NPAS3: variants seen among roughly 807,000 people sequenced by gnomAD.
NPAS3 encodes the protein neuronal PAS domain protein 3.
In NPAS3, 14 loss-of-function variants were observed where a neutral mutation model predicts 73.1. The observed-to-expected ratio is 0.19, with a 90% CI of 0.13 to 0.30. NPAS3 has a LOEUF of 0.30. Ranked by LOEUF, NPAS3 falls within the 10% of genes least tolerant of loss-of-function variation. The probability of loss-of-function intolerance (pLI) is 1.00; values close to 1 mark genes in which losing one functional copy is unlikely to be tolerated. For synonymous variants in NPAS3, 620 were observed against 541.5 expected, an observed-to-expected ratio of 1.14 and a Z score of -2.01; for missense variants, 1,096 against 1,250.0, an observed-to-expected ratio of 0.88 and a Z score of 1.86.
chr14:32,938,463 G>GAGAGAGAGAGAGAGAAAT (rs2035775374), upstream of NPAS3, among the ~76,000 whole-genome samples: 1 of 90,244 alleles, frequency 1.1e-5, no homozygotes, highest in Non-Finnish European at 2.5e-5. Flanking sequence ...GAGAAAGAGA[G>GAGAGAGAGAGAGAGAAAT]AGAGAGAGAG....
intron 3 of NPAS3, among the ~76,000 whole-genome samples, chr14:33,238,375 T>C (rs893911954): frequency 2.0e-5 from 3 of 152,186 alleles, no homozygotes; most frequent in Non-Finnish European, 4.4e-5. Context: ...TACAATTAGT[T>C]GGTTTCTATT....
chr14:33,776,074 T>C (rs998984939), intron 8 of NPAS3, among the ~76,000 whole-genome samples: 3 of 152,180 alleles, frequency 2.0e-5, no homozygotes, highest in African/African-American at 7.2e-5. Flanking sequence ...GTCTCTTCTT[T>C]TTCTTCAGAA....
intron 1 of NPAS3, among the ~76,000 whole-genome samples, chr14:32,997,312 T>C (rs1433683443): frequency 6.6e-6 from 1 of 152,180 alleles, no homozygotes; most frequent in African/African-American, 2.4e-5. Context: ...GACTTTGGAC[T>C]GTGGACTTTT....
chr14:33,800,816 ACCCT>A lies in NPAS3; in HGVS notation c.2510_2513del (p.Thr837ArgfsTer52). The stretch of plus-strand genomic sequence containing the variant: ...CATCCGCTACGCGCCCGCCGAGGTG[ACCCT>A]GGCCATGCAGAGCAACCTGCTGCCC... On this transcript the variant is annotated frameshift_variant, in exon 12 of 12. Transcript: ENST00000356141. LOFTEE classifies it high-confidence loss of function. This position sits in a 1 kb window ranked among gnomAD's most constrained non-coding sequence, Gnocchi z 6.5. The A allele has an allele frequency of 6.2e-7, 1 of 1,601,276 alleles. No individual in the cohort carries two copies.
chr14:33,691,325 C>T (rs1196634093), intron 6 of NPAS3, among the ~76,000 whole-genome samples: 1 of 152,126 alleles, frequency 6.6e-6, no homozygotes, highest in South Asian at 2.1e-4. Context: ...AAAAGATGAT[C>T]GTTATTCCAA....
At chr14:33,590,842 C>G (rs1319219855) in intron 5 of NPAS3, among the ~76,000 whole-genome samples, 1 of 152,158 alleles carries the variant, frequency 6.6e-6, no homozygotes, top group Non-Finnish European at 1.5e-5. Flanking sequence ...TGCTTTCGCT[C>G]ATTCATTCAT....
chr14:33,722,720 A>C (rs1018038604), intron 6 of NPAS3, among the ~76,000 whole-genome samples: 59 of 152,194 alleles, frequency 3.9e-4, no homozygotes, highest in Non-Finnish European at 5.6e-4. Flanking sequence ...ACAGATATAG[A>C]TAATTATTGG....
At chr14:33,159,895 T>A (rs2044796099) in intron 2 of NPAS3, among the ~76,000 whole-genome samples, 2 of 152,132 alleles carry the variant, frequency 1.3e-5, no homozygotes. Context: ...ATAACACCCG[T>A]AAGAAAAATT....
chr14:33,044,603 C>T (rs983596619), intron 1 of NPAS3, among the ~76,000 whole-genome samples: 2 of 151,300 alleles, frequency 1.3e-5, no homozygotes, highest in Admixed American at 6.6e-5. Context: ...TTGTGCAAGA[C>T]ATAGGATATG....
chr14:33,503,860 G>A (rs2052633448), intron 4 of NPAS3, among the ~76,000 whole-genome samples: 1 of 151,898 alleles, frequency 6.6e-6, no homozygotes, highest in African/African-American at 2.4e-5. Context: ...TTTATTTAGT[G>A]TACAAGGAAA....
chr14:33,052,532 A>G (rs151179437), intron 1 of NPAS3, among the ~76,000 whole-genome samples: 3 of 152,246 alleles, frequency 2.0e-5, no homozygotes, highest in African/African-American at 7.2e-5. Flanking sequence ...GCCAGCGCTT[A>G]TGCTTAATAA....
At chr14:32,975,314 G>A (rs923079759) in intron 1 of NPAS3, among the ~76,000 whole-genome samples, 7 of 135,480 alleles carry the variant, frequency 5.2e-5, no homozygotes, top group Non-Finnish European at 6.3e-5. Context: ...CCCTGCCTCC[G>A]TCACTCCCTG....
intron 2 of NPAS3, among the ~76,000 whole-genome samples, chr14:33,090,112 A>T (rs2042174159): frequency 6.6e-6 from 1 of 152,230 alleles, no homozygotes; most frequent in South Asian, 2.1e-4. Flanking sequence ...ATAACCAGCT[A>T]ACATCACAAT....
chr14:33,772,040 A>G (rs2062670729), intron 7 of NPAS3, among the ~76,000 whole-genome samples: 2 of 152,136 alleles, frequency 1.3e-5, no homozygotes, highest in South Asian at 4.1e-4. Context: ...ACCCTCCCAA[A>G]TTTTCTTCCA....
intron 4 of NPAS3, among the ~76,000 whole-genome samples, chr14:33,410,993 G>T (rs1288917893): frequency 2.0e-5 from 3 of 152,106 alleles, no homozygotes; most frequent in African/African-American, 7.2e-5. Context: ...TTGAGTCCTT[G>T]TGGCTTTCAA....
At chr14:33,496,466 A>C (rs967801858) in intron 4 of NPAS3, among the ~76,000 whole-genome samples, 8 of 152,274 alleles carry the variant, frequency 5.3e-5, no homozygotes, top group Middle Eastern at 6.8e-3. Context: ...ATACTGGCAA[A>C]CCGAATACAG....
intron 1 of NPAS3, among the ~76,000 whole-genome samples, chr14:33,051,206 G>A (rs1186757973): frequency 1.3e-5 from 2 of 149,820 alleles, no homozygotes; most frequent in Non-Finnish European, 3.0e-5. Context: ...CCCAGGAAGC[G>A]GAGCTTGCAG....
intron 7 of NPAS3, among the ~76,000 whole-genome samples, chr14:33,758,929 A>C (rs995824890): frequency 2.0e-5 from 3 of 152,260 alleles, no homozygotes; most frequent in Non-Finnish European, 4.4e-5. Context: ...CTCTGTGTTA[A>C]ACTTGCCAGC....
At chr14:33,246,869 C>T (rs1214645614) in intron 3 of NPAS3, among the ~76,000 whole-genome samples, 1 of 92,712 alleles carries the variant, frequency 1.1e-5, no homozygotes, top group Non-Finnish European at 2.1e-5. Context: ...AAAAAAAAAG[C>T]TGGGCATGGT....
Sources: gnomAD v4.1 joint callset for allele counts (sites outside exome capture counted in the v4.1 genomes callset) on GRCh38, gnomAD v4.1.1 for gene constraint, Gnocchi (gnomAD v3.1) non-coding constraint, MANE v1.5 for transcripts, NCBI Gene and HGNC (gene_info 2026-07-23, HGNC 2026-07-21) for gene names.